Variants in PROS1 observed in about 807,000 individuals in gnomAD.
PROS1 encodes protein S, also known as vitamin K-dependent protein S.
PROS1 carries 29 observed loss-of-function variants against 75.9 expected under a neutral mutation model. The observed-to-expected ratio is 0.38, with a 90% CI of 0.28 to 0.52. The LOEUF is 0.52. Among genes scored for constraint, PROS1 ranks in the 20% least tolerant of loss-of-function variants. The probability of loss-of-function intolerance (pLI) is 0.83; values close to 1 mark genes in which losing one functional copy is unlikely to be tolerated. For missense variants in PROS1, 680 were observed against 810.3 expected (o/e 0.84, Z 1.95); for synonymous variants, 245 against 280.6 (o/e 0.87, Z 1.27).
intron 10 of PROS1, among the ~76,000 whole-genome samples, chr3:93,891,143 A>C (rs1441304222): frequency 6.6e-6 from 1 of 152,082 alleles, no homozygotes; most frequent in Non-Finnish European, 1.5e-5. Flanking sequence ...TAAATAACAT[A>C]AATAAATAAA....
chr3:93,894,047 G>C (rs2107151764), intron 9 of PROS1, among the ~76,000 whole-genome samples: 1 of 152,160 alleles, frequency 6.6e-6, no homozygotes, highest in East Asian at 1.9e-4. Context: ...AAGACAAACA[G>C]GGAAAAGGAA....
At chr3:93,913,493 G>C (rs891303631) in intron 3 of PROS1, among the ~76,000 whole-genome samples, 1 of 152,124 alleles carries the variant, frequency 6.6e-6, no homozygotes, top group African/African-American at 2.4e-5. Flanking sequence ...GGCCTTTCCA[G>C]CCATGTGGAA....
At chr3:93,929,305 C>T (rs999820082) in intron 1 of PROS1, among the ~76,000 whole-genome samples, 10 of 151,956 alleles carry the variant, frequency 6.6e-5, no homozygotes, top group African/African-American at 1.9e-4. Flanking sequence ...AAGAGAGACC[C>T]CACATCTCCA....
intron 1 of PROS1, among the ~76,000 whole-genome samples, chr3:93,954,245 CA>C (rs1559950412): frequency 6.6e-6 from 1 of 152,030 alleles, no homozygotes; most frequent in African/African-American, 2.4e-5. Context: ...TATATGGAAC[CA>C]AAAAAGAGCC....
At chr3:93,887,755 G>T (rs765248950) in intron 10 of PROS1, among the ~76,000 whole-genome samples, 1 of 152,034 alleles carries the variant, frequency 6.6e-6, no homozygotes, top group Non-Finnish European at 1.5e-5. Flanking sequence ...AGTCTCCTTT[G>T]CTGGATCCTC....
chr3:93,947,134 G>T (rs1459977567), intron 1 of PROS1, among the ~76,000 whole-genome samples: 1 of 152,168 alleles, frequency 6.6e-6, no homozygotes, highest in East Asian at 1.9e-4. Flanking sequence ...TCTCACACCA[G>T]TTAGAATGGC....
At chr3:93,884,998 A>G in intron 11 of PROS1, 102 bp from the exon 12 acceptor site, 1 of 986,224 alleles carries the variant, frequency 1.0e-6, no homozygotes, top group Non-Finnish European at 1.5e-6. Flanking sequence ...CCTTTCTTTG[A>G]TAATAGTTGA....
intron 3 of PROS1, among the ~76,000 whole-genome samples, chr3:93,914,408 T>C (rs1708807948): frequency 6.6e-6 from 1 of 152,226 alleles, no homozygotes; most frequent in Admixed American, 6.5e-5. Context: ...GGTATGTACA[T>C]TCCAGAGTGG....
intron 3 of PROS1, among the ~76,000 whole-genome samples, chr3:93,912,886 C>T (rs1708780521): frequency 6.6e-6 from 1 of 152,172 alleles, no homozygotes; most frequent in South Asian, 2.1e-4. Flanking sequence ...ATTAAGTTTC[C>T]AGCACATACT....
intron 10 of PROS1, among the ~76,000 whole-genome samples, chr3:93,891,610 A>G (rs1576179436): frequency 6.6e-6 from 1 of 152,074 alleles, no homozygotes; most frequent in Non-Finnish European, 1.5e-5. Flanking sequence ...GGGTTTCGCC[A>G]TGTTGGTCAG....
chr3:93,873,637 AG>A lies in PROS1; in HGVS notation c.*607del, dbSNP rs1708140452. ...AGAAGAAGATTCCTGTGCTGCTCTC[AG>A]GAAAATATGTCCCACTTGTTTTCTA... is the stretch of plus-strand genomic sequence containing the variant. On this transcript the variant is annotated 3_prime_UTR_variant, in exon 15 of 15. Transcript: ENST00000394236. 1 of 153,080 alleles carries A rather than the reference AG, an allele frequency of 6.5e-6. No individual in the cohort carries two copies. Among genetic ancestry groups the A allele is most frequent in the South Asian group, 2.1e-4 (1 of 4,874 alleles). The allele number at this position is 153,080 out of a possible 1,614,324, so 9.5% of individuals were successfully genotyped here. A position where few individuals can be genotyped will look rare whatever the true frequency, so the allele number is the denominator to read the frequency against.
chr3:93,907,543 C>T lies in PROS1; in HGVS notation c.347-1400G>A, dbSNP rs1181699250. The stretch of plus-strand genomic sequence containing the variant: ...GCTGAACACTTGATGGGACAACCTG[C>T]CTACAGAGATGAGCTACCCACTGAG... On this transcript the variant is annotated intron_variant, in intron 4 of 14. Transcript: ENST00000394236. 2.6e-5 allele frequency among the ~76,000 whole-genome samples: 4 copies of T among 152,160 alleles called. 1 individual carries two copies. Among genetic ancestry groups the T allele is most frequent in the Non-Finnish European group, 4.4e-5 (3 of 68,022 alleles).
chr3:93,905,364 C>T (rs1251747560), intron 6 of PROS1, among the ~76,000 whole-genome samples: 3 of 152,130 alleles, frequency 2.0e-5, no homozygotes, highest in Admixed American at 6.5e-5. Flanking sequence ...AAACCAAACA[C>T]TTTGGGAGGC....
chr3:93,933,465 C>T (rs1343130927), intron 1 of PROS1, among the ~76,000 whole-genome samples: 2 of 151,578 alleles, frequency 1.3e-5, no homozygotes, highest in African/African-American at 2.4e-5. Context: ...ATCCCAGCTA[C>T]TTGAGAGGCT....
chr3:93,887,020 G>A (rs1456259975), intron 10 of PROS1, among the ~76,000 whole-genome samples: 2 of 149,876 alleles, frequency 1.3e-5, no homozygotes, highest in Non-Finnish European at 1.5e-5. Flanking sequence ...CCGGGTTCAC[G>A]CCATTCTCCT....
intron 1 of PROS1, chr3:93,958,417 A>G (rs1341190663): frequency 1.3e-5 from 2 of 152,246 alleles, no homozygotes; most frequent in Non-Finnish European, 2.9e-5. Context: ...ACCCAATCCT[A>G]CATTTGATAA....
intron 3 of PROS1, among the ~76,000 whole-genome samples, chr3:93,919,560 C>T (rs1343953027): frequency 6.6e-6 from 1 of 151,836 alleles, no homozygotes; most frequent in South Asian, 2.1e-4. Flanking sequence ...TCATTTGTCT[C>T]TTAATCTTAC....
chr3:93,957,618 G>T (rs1258852037), intron 1 of PROS1, among the ~76,000 whole-genome samples: 1 of 152,084 alleles, frequency 6.6e-6, no homozygotes, highest in South Asian at 2.1e-4. Context: ...TAATTTGCAC[G>T]ATTTGATCGT....
rs1559956104 is a variant in PROS1 at position 93,973,657 on chromosome 3, C to A, written c.76+17G>T. 2 of 1,612,260 alleles carry A rather than the reference C, an allele frequency of 1.2e-6. No individual in the cohort carries two copies. The highest frequency in any genetic ancestry group is 2.2e-5 in the East Asian group (1 of 44,824). On this transcript the variant is annotated intron_variant, in intron 1 of 14. Transcript: ENST00000394236. ...ACAATGCTGGGGAAGGGAGAAGAGACGCTATTGATTACTCACAGTTTGCCT... is the reference window on the plus strand; with the variant it reads ...ACAATGCTGGGGAAGGGAGAAGAGAAGCTATTGATTACTCACAGTTTGCCT...
Sources: gnomAD v4.1 joint callset for allele counts (sites outside exome capture counted in the v4.1 genomes callset) on GRCh38, gnomAD v4.1.1 for gene constraint, MANE v1.5 for transcripts, NCBI Gene and HGNC (gene_info 2026-07-23, HGNC 2026-07-21) for gene names.